The following MIS18BP1 variants were observed in gnomAD, a reference collection of about 807,000 sequenced individuals.
MIS18BP1 encodes mis18-binding protein 1.
MIS18BP1 carries 72 observed loss-of-function variants against 116.1 expected under a neutral mutation model. The observed-to-expected ratio is 0.62, with a 90% confidence interval of 0.51 to 0.75. The LOEUF (loss-of-function observed/expected upper bound fraction) is 0.75. Among genes scored for constraint, MIS18BP1 ranks in the 30% least tolerant of loss-of-function variants. The pLI is 0.00. For synonymous variants in MIS18BP1, 386 were observed against 427.0 expected (o/e 0.90, Z 1.18); for missense variants, 1,363 against 1,303.2 (o/e 1.05, Z -0.71).
At chr14:45,216,357 A>AT (rs1890818350) in intron 13 of MIS18BP1, among the ~76,000 whole-genome samples, 1 of 152,146 alleles carries the variant, frequency 6.6e-6, no homozygotes, top group Admixed American at 6.6e-5. Flanking sequence ...ATTTTAACTT[A>AT]TTTTTTTAAA....
intron 14 of MIS18BP1, among the ~76,000 whole-genome samples, chr14:45,209,173 T>C (rs866622953): frequency 1.3e-5 from 2 of 150,536 alleles, no homozygotes; most frequent in Non-Finnish European, 3.0e-5. Flanking sequence ...AAAGCAATTA[T>C]ACACACACAC....
intron 6 of MIS18BP1, among the ~76,000 whole-genome samples, chr14:45,234,703 G>A (rs760216800): frequency 7.2e-5 from 11 of 152,084 alleles, no homozygotes; most frequent in Non-Finnish European, 1.5e-4. Context: ...AACCACTAAG[G>A]GACTGTAACT....
chr14:45,242,856 G>T lies in MIS18BP1; in HGVS notation c.563C>A (p.Pro188His), dbSNP rs771471663. ...AATATCATTATTTGATGATTCTAGA[G>T]GAACTCCTTGGACTGAGGCTAAGGT... is the stretch of plus-strand genomic sequence containing the variant. Reference protein sequence around the residue: ...SSLRASVQGVPLESSNNDIFL... With the variant: ...SSLRASVQGVHLESSNNDIFL... Residue 188 changes from proline to histidine, a missense_variant, in exon 3 of 17, where the codon CCT (proline) becomes CAT (histidine). By Grantham distance (77) the Pro-to-His change is moderately conservative. Transcript: ENST00000310806. 1 of 1,609,726 alleles carries T rather than the reference G, an allele frequency of 6.2e-7. No homozygotes were observed. Among genetic ancestry groups the T allele is most frequent in the African/African-American group, 1.3e-5 (1 of 74,872 alleles).
intron 13 of MIS18BP1, among the ~76,000 whole-genome samples, chr14:45,212,832 C>A (rs761793961): frequency 6.6e-6 from 1 of 152,174 alleles, no homozygotes; most frequent in African/African-American, 2.4e-5. Flanking sequence ...GGTTAGAATC[C>A]GGGGAGAAGG....
chr14:45,237,859 T>C (rs1287323554), intron 4 of MIS18BP1, 138 bp from the exon 5 acceptor site: 2 of 1,246,096 alleles, frequency 1.6e-6, no homozygotes, highest in Non-Finnish European at 1.1e-6. Flanking sequence ...AGATTCACAT[T>C]CTATTCTAAA....
At chr14:45,235,516 G>A (rs1041454466) in intron 6 of MIS18BP1, among the ~76,000 whole-genome samples, 5 of 150,148 alleles carry the variant, frequency 3.3e-5, no homozygotes, top group East Asian at 2.0e-4. Flanking sequence ...CTTGAACCCC[G>A]GAGATGGAGG....
intron 13 of MIS18BP1, among the ~76,000 whole-genome samples, chr14:45,211,114 T>C (rs1890662301): frequency 1.3e-5 from 2 of 152,234 alleles, no homozygotes; most frequent in African/African-American, 4.8e-5. Context: ...CATCTTGAAA[T>C]ACAGCCTCAA....
chr14:45,228,870 T>A (rs1891200041), intron 8 of MIS18BP1, among the ~76,000 whole-genome samples: 2 of 152,176 alleles, frequency 1.3e-5, no homozygotes, highest in African/African-American at 4.8e-5. Context: ...TACATAAAAT[T>A]ACATTATCTT....
intron 11 of MIS18BP1, among the ~76,000 whole-genome samples, chr14:45,219,230 C>A (rs1252606674): frequency 6.6e-6 from 1 of 152,054 alleles, no homozygotes; most frequent in Admixed American, 6.6e-5. Context: ...GTTTCTTTGG[C>A]AAAATATTTT....
chr14:45,237,416 C>G (rs1356194579), intron 5 of MIS18BP1, among the ~76,000 whole-genome samples: 2 of 152,104 alleles, frequency 1.3e-5, no homozygotes, highest in African/African-American at 2.4e-5. Flanking sequence ...AACCACTATA[C>G]AAATTTGAAC....
chr14:45,225,379 T>C (rs1891095734), intron 10 of MIS18BP1, among the ~76,000 whole-genome samples: 2 of 152,208 alleles, frequency 1.3e-5, no homozygotes, highest in East Asian at 3.9e-4. Context: ...TTTATCTGTA[T>C]GGTTTGATTT....
chr14:45,249,240 T>A (rs1312636119), intron 1 of MIS18BP1, among the ~76,000 whole-genome samples: 5 of 152,102 alleles, frequency 3.3e-5, no homozygotes, highest in African/African-American at 1.2e-4. Context: ...CACAGGCACA[T>A]GCCACCCCAC....
intron 15 of MIS18BP1, among the ~76,000 whole-genome samples, chr14:45,205,826 A>G (rs527331831): frequency 6.6e-6 from 1 of 152,210 alleles, no homozygotes; most frequent in East Asian, 1.9e-4. Flanking sequence ...ACCTCTGTGT[A>G]TATTTTTCCC....
At position 45,218,317 on chromosome 14, in the gene MIS18BP1, G is replaced by A. The variant is rs1890878029; in HGVS notation, c.2807C>T (p.Thr936Ile). The A allele has an allele frequency of 6.2e-7, 1 of 1,614,022 alleles. No individual in the cohort carries two copies. Among genetic ancestry groups the A allele is most frequent in the Non-Finnish European group, 8.5e-7 (1 of 1,180,002 alleles). ...PRGKGSQKHV[T>I]KKKPANSKGQ... ...TTTGGAATTGGCTGGCTTCTTCTTA[G>A]TGACATGTTTCTGGGATCCTTTTCC... The change falls in exon 12 of 17, where the codon ACT (threonine) becomes ATT (isoleucine). Residue 936 changes from threonine (T) to isoleucine (I), a missense_variant. By Grantham distance (89) the Thr-to-Ile change is moderately conservative. Coordinates refer to ENST00000310806, the MANE Select transcript of MIS18BP1 (RefSeq NM_018353.5).
intron 5 of MIS18BP1, among the ~76,000 whole-genome samples, chr14:45,236,589 A>G (rs1891435238): frequency 6.6e-6 from 1 of 152,350 alleles, no homozygotes; most frequent in Admixed American, 6.5e-5. Context: ...GATAAGCATG[A>G]CGAATAAGGA....
rs1416663451 is a variant in MIS18BP1 at position 45,235,926 on chromosome 14, A to G, written c.1236T>C (p.Tyr412=). 6.2e-7 allele frequency: 1 copy of G among 1,607,580 alleles called. No individual in the cohort carries two copies. Among genetic ancestry groups the G allele is most frequent in the Non-Finnish European group, 8.5e-7 (1 of 1,177,442 alleles). ...EGKLIDVTNI[Y]WHSNVIIERI... is the part of the protein sequence containing the mutation. ...GCTCTATAATTACATTACTGTGCCA[A>G]TATATGTTAGTGACGTCTCTAGGAA... Residue 412 remains tyrosine, a synonymous_variant, in exon 6 of 17, where the codon TAT becomes TAC. Transcript: ENST00000310806.
intron 11 of MIS18BP1, 148 bp downstream of exon 11, chr14:45,223,770 G>A (rs1891040348): frequency 1.7e-6 from 1 of 596,432 alleles, no homozygotes; most frequent in South Asian, 2.5e-5. Flanking sequence ...GGAGTTATGT[G>A]TAGTCTATCT....
chr14:45,235,816 G>C lies in MIS18BP1; in HGVS notation c.1346C>G (p.Ala449Gly). 1 of 1,595,604 alleles carries C rather than the reference G, an allele frequency of 6.3e-7. No homozygotes were observed. The highest frequency in any genetic ancestry group is 8.5e-7 in the Non-Finnish European group (1 of 1,173,624). The change falls in exon 6 of 17, where the codon GCA (alanine) becomes GGA (glycine). Residue 449 changes from alanine (A) to glycine (G), a missense_variant and splice_region_variant. By Grantham distance (60) the Ala-to-Gly change is moderately conservative. Coordinates refer to ENST00000310806, the MANE Select transcript of MIS18BP1 (RefSeq NM_018353.5). ...GMIDQISMKEAGYPNYLIRKF... is the reference protein window; with the variant it reads ...GMIDQISMKEGGYPNYLIRKF... ...TATCAATAATGACAGTCATTTACCT[G>C]CTTCTTTCATGGAAATTTGGTCTAT...
intron 2 of MIS18BP1, among the ~76,000 whole-genome samples, chr14:45,246,529 C>CT (rs1449559653): frequency 6.6e-6 from 1 of 152,150 alleles, no homozygotes; most frequent in Non-Finnish European, 1.5e-5. Context: ...CCTAATTCTG[C>CT]TTTTTCCTCT....
Sources: allele counts gnomAD v4.1 joint callset (sites outside exome capture counted in the v4.1 genomes callset), GRCh38; gene constraint gnomAD v4.1.1; transcripts MANE v1.5; gene names NCBI Gene and HGNC (gene_info 2026-07-23, HGNC 2026-07-21).